Variants in ZNF77 observed in about 807,000 individuals in gnomAD.
ZNF77 encodes the protein ZNFpT1.
In ZNF77, 15 loss-of-function variants were observed where a neutral mutation model predicts 13.5. The observed-to-expected ratio is 1.11, with a 90% CI of 0.74 to 1.71. The LOEUF is 1.71. Among genes scored for constraint, ZNF77 ranks in the 40% most tolerant of loss-of-function variants. The pLI, the probability that ZNF77 is intolerant of heterozygous loss-of-function variation, is 0.00. For synonymous variants in ZNF77, 282 were observed against 250.0 expected, an observed-to-expected ratio of 1.13 and a Z score of -1.21; for missense variants, 717 against 676.4, an observed-to-expected ratio of 1.06 and a Z score of -0.67.
At chr19:2,936,269 TC>T (rs1039116587) in intron 3 of ZNF77, among the ~76,000 whole-genome samples, 7 of 152,008 alleles carry the variant, frequency 4.6e-5, no homozygotes, top group African/African-American at 1.7e-4. Context: ...TTCCTCAGCC[TC>T]CTGAGTAGAT....
At position 2,934,452 on chromosome 19, in the gene ZNF77, T is replaced by A. The variant is rs752055763; in HGVS notation, c.675A>T (p.Ser225=). ...QKCGKAFICP[S]SFRGHVNSHH... is the part of the protein sequence containing the mutation. ...GACTATTCACATGTCCCCTGAAAGA[T>A]GAGGGACAAATGAAAGCTTTTCCAC... is the stretch of plus-strand genomic sequence containing the variant. Residue 225 remains serine, a synonymous_variant, in exon 4 of 4, where the codon TCA becomes TCT. Transcript: ENST00000314531. The A allele has an allele frequency of 6.2e-7, 1 of 1,614,208 alleles. No homozygotes were observed. The highest frequency in any genetic ancestry group is 1.3e-5 in the African/African-American group (1 of 75,062).
In ZNF77 at chr19:2,944,958, G is replaced by A. The variant is rs1247508614; in HGVS notation, c.-118C>T. On this transcript the variant is annotated 5_prime_UTR_variant, in exon 1 of 4. Coordinates refer to ENST00000314531, the MANE Select transcript of ZNF77 (RefSeq NM_021217.3). Reference sequence around the variant, plus strand: ...TAGGCGGGGAAGCGCGCAAGGCAGAGGGGAACTCGGCTTACCGTCCTCGGG... The same window carrying A: ...TAGGCGGGGAAGCGCGCAAGGCAGAAGGGAACTCGGCTTACCGTCCTCGGG... 6.0e-6 allele frequency: 8 copies of A among 1,327,404 alleles called. No individual in the cohort carries two copies. In the Admixed American group the frequency reaches 1.4e-4, roughly 24 times the overall value. 82.2% of individuals were successfully genotyped at this position (1,327,404 alleles called of 1,614,324 possible). A position where few individuals can be genotyped will look rare whatever the true frequency, so the allele number is the denominator to read the frequency against.
At chr19:2,937,262 T>C (rs1188035849) in intron 2 of ZNF77, among the ~76,000 whole-genome samples, 1 of 152,080 alleles carries the variant, frequency 6.6e-6, no homozygotes, top group African/African-American at 2.4e-5. Flanking sequence ...AGCGGGTGGA[T>C]CACCTGAGGT....
intron 2 of ZNF77, 126 bp from the exon 3 acceptor site, chr19:2,936,830 T>A: frequency 1.1e-6 from 1 of 879,632 alleles, no homozygotes; most frequent in Non-Finnish European, 1.7e-6. Context: ...ATAGACATGC[T>A]ATCAAAGTGA....
At chr19:2,935,597 C>T (rs1000208748) in intron 3 of ZNF77, among the ~76,000 whole-genome samples, 2 of 151,902 alleles carry the variant, frequency 1.3e-5, no homozygotes, top group South Asian at 2.1e-4. Context: ...TCCCAAAGTG[C>T]TGGGATTACA....
In ZNF77 at chr19:2,933,698, G is replaced by T. The variant is rs768548218; in HGVS notation, c.1429C>A (p.Gln477Lys). The change falls in exon 4 of 4, where the codon CAG becomes AAG. Residue 477 changes from glutamine to lysine, a missense_variant. Gln to Lys is a moderately conservative substitution (Grantham distance 53, BLOSUM62 1). Transcript: ENST00000314531. ...NQCGKAFSHA[Q>K]YFQKHVRSHS... ...GATCTCACATGCTTTTGAAAGTACT[G>T]AGCGTGGCTGAAGGCTTTCCCACAT... 1 of 1,611,686 alleles carries T rather than the reference G, an allele frequency of 6.2e-7. No individual in the cohort carries two copies. The highest frequency in any genetic ancestry group is 8.5e-7 in the Non-Finnish European group (1 of 1,178,226).
rs185118852 is a variant in ZNF77 at position 2,936,998 on chromosome 19, A to G, written c.131-294T>C. ...AAGACAAGCCTGGGCAACATAGGAA[A>G]ATAAGGAGACCTCATCTCTAAACAA... is the stretch of plus-strand genomic sequence containing the variant. On this transcript the variant is annotated intron_variant, in intron 2 of 3. Coordinates refer to ENST00000314531, the MANE Select transcript of ZNF77 (RefSeq NM_021217.3). Among the ~76,000 whole-genome samples the G allele has an allele frequency of 8.5e-5, 13 of 152,120 alleles. No individual in the cohort carries two copies. The East Asian group carries it at 2.3e-3, about 27-fold the overall frequency.
intron 1 of ZNF77, among the ~76,000 whole-genome samples, chr19:2,941,921 G>C (rs1305290062): frequency 1.3e-5 from 2 of 152,072 alleles, no homozygotes; most frequent in Non-Finnish European, 2.9e-5. Context: ...CCTAATGGAA[G>C]ATGCAACGTC....
intron 1 of ZNF77, among the ~76,000 whole-genome samples, chr19:2,944,100 C>T (rs966368831): frequency 2.6e-5 from 4 of 151,248 alleles, no homozygotes; most frequent in African/African-American, 9.7e-5. Context: ...CCTGACGGCT[C>T]CTGCCCTCTC....
At position 2,934,016 on chromosome 19, in the gene ZNF77, T is replaced by C; in HGVS notation, c.1111A>G (p.Met371Val). 3 of 1,614,062 alleles carry C rather than the reference T, an allele frequency of 1.9e-6. No individual in the cohort carries two copies. The highest frequency in any genetic ancestry group is 1.1e-5 in the South Asian group (1 of 91,078). The change falls in exon 4 of 4, where the codon ATG becomes GTG. Residue 371 changes from methionine (M) to valine (V), a missense_variant. Transcript: ENST00000314531. ...GGCTTCTCTCCGGTGTGCATTCTCATGTGTGCTCGCAGAGAGGAGGGGTAC... is the reference window on the plus strand; with the variant it reads ...GGCTTCTCTCCGGTGTGCATTCTCACGTGTGCTCGCAGAGAGGAGGGGTAC... Reference protein sequence around the residue: ...FRYPSSLRAHMRMHTGEKPYV... With the variant: ...FRYPSSLRAHVRMHTGEKPYV...
chr19:2,936,573 T>G lies in ZNF77; in HGVS notation c.262A>C (p.Arg88=). Reference sequence around the variant, plus strand: ...TGCTGATCTCCAGTGTTATCAAATCTCCAATTTTCTCCAAAAATAGACCAG... The same window carrying G: ...TGCTGATCTCCAGTGTTATCAAATCGCCAATTTTCTCCAAAAATAGACCAG... ...DSWSIFGENW[R]FDNTGDQHQI... Residue 88 remains arginine, a synonymous_variant, in exon 3 of 4, where the codon AGA becomes CGA. Transcript: ENST00000314531. The G allele has an allele frequency of 6.2e-7, 1 of 1,611,512 alleles. No individual in the cohort carries two copies. The highest frequency in any genetic ancestry group is 8.5e-7 in the Non-Finnish European group (1 of 1,179,362).
chr19:2,936,369 G>A (rs936243208), intron 3 of ZNF77, among the ~76,000 whole-genome samples, 155 bp downstream of exon 3: 5 of 152,216 alleles, frequency 3.3e-5, no homozygotes, highest in East Asian at 1.9e-4. Flanking sequence ...AGCTGGTTTC[G>A]AACTACTAAC....
intron 1 of ZNF77, among the ~76,000 whole-genome samples, chr19:2,941,565 G>A (rs1208318950): frequency 6.6e-6 from 1 of 152,096 alleles, no homozygotes; most frequent in Admixed American, 6.6e-5. Context: ...GATTCTAGAA[G>A]ATCTAGAAGT....
In ZNF77 at chr19:2,944,905, C is replaced by T; in HGVS notation, c.-65G>A. On this transcript the variant is annotated 5_prime_UTR_variant, in exon 1 of 4. Transcript: ENST00000314531. ...CGGTCCAGCGACCGGCGCAGGTGAGCACGACAGGACACCTGAGCCGCTCGG... is the reference window on the plus strand; with the variant it reads ...CGGTCCAGCGACCGGCGCAGGTGAGTACGACAGGACACCTGAGCCGCTCGG... 1 of 1,500,054 alleles carries T rather than the reference C, an allele frequency of 6.7e-7. No individual in the cohort carries two copies. The highest frequency in any genetic ancestry group is 2.6e-5 in the East Asian group (1 of 38,734). The allele number at this position is 1,500,054 out of a possible 1,614,324, so 92.9% of individuals were successfully genotyped here. A position where few individuals can be genotyped will look rare whatever the true frequency, so the allele number is the denominator to read the frequency against.
chr19:2,938,052 C>T (rs570597701), intron 2 of ZNF77, among the ~76,000 whole-genome samples: 64 of 152,298 alleles, frequency 4.2e-4, no homozygotes, highest in Non-Finnish European at 8.1e-4. Context: ...CCACTGCGTG[C>T]GGCCAGGGGT....
At chr19:2,942,327 C>T (rs2088456270) in intron 1 of ZNF77, among the ~76,000 whole-genome samples, 1 of 150,824 alleles carries the variant, frequency 6.6e-6, no homozygotes, top group Non-Finnish European at 1.5e-5. Flanking sequence ...ACCTCAGCCA[C>T]TCAAAGTGCT....
Position 2,934,469 on chromosome 19 carries a change from C to G in ZNF77, c.658G>C (p.Ala220Pro). The change falls in exon 4 of 4, where the codon GCT becomes CCT. Residue 220 changes from alanine (A) to proline (P), a missense_variant. Coordinates refer to ENST00000314531, the MANE Select transcript of ZNF77 (RefSeq NM_021217.3). ...KSYECQKCGK[A>P]FICPSSFRGH... is the part of the protein sequence containing the mutation. ...CTGAAAGATGAGGGACAAATGAAAG[C>G]TTTTCCACATTTCTGACATTCATAA... is the stretch of plus-strand genomic sequence containing the variant. 6.2e-7 allele frequency: 1 copy of G among 1,614,182 alleles called. No individual in the cohort carries two copies. Among genetic ancestry groups the G allele is most frequent in the South Asian group, 1.1e-5 (1 of 91,086 alleles).
chr19:2,940,449 C>T (rs888893359), intron 1 of ZNF77, among the ~76,000 whole-genome samples: 9 of 151,626 alleles, frequency 5.9e-5, no homozygotes, highest in East Asian at 1.9e-4. Flanking sequence ...CTAAGGTGGG[C>T]GGATCACAAG....
At position 2,944,931 on chromosome 19, in the gene ZNF77, G is replaced by C; in HGVS notation, c.-91C>G. ...ACGACAGGACACCTGAGCCGCTCGG[G>C]GTAGGCGGGGAAGCGCGCAAGGCAG... On this transcript the variant is annotated 5_prime_UTR_variant, in exon 1 of 4. Coordinates refer to ENST00000314531, the MANE Select transcript of ZNF77 (RefSeq NM_021217.3). 5 of 1,445,398 alleles carry C rather than the reference G, an allele frequency of 3.5e-6. No homozygotes were observed. The highest frequency in any genetic ancestry group is 1.9e-4 in the Middle Eastern group (1 of 5,344). 89.5% of individuals were successfully genotyped at this position (1,445,398 alleles called of 1,614,324 possible).
Sources: gnomAD v4.1 joint callset for allele counts (sites outside exome capture counted in the v4.1 genomes callset) on GRCh38, gnomAD v4.1.1 for gene constraint, MANE v1.5 for transcripts, NCBI Gene and HGNC (gene_info 2026-07-23, HGNC 2026-07-21) for gene names.